The following ANKDD1B variants were observed in gnomAD, a reference collection of about 807,000 sequenced individuals.
ANKDD1B encodes ankyrin repeat and death domain-containing protein 1B.
In ANKDD1B, 57 loss-of-function variants were observed where a neutral mutation model predicts 59.7. The observed-to-expected ratio is 0.95, with a 90% CI of 0.77 to 1.19. The LOEUF (loss-of-function observed/expected upper bound fraction) is 1.19, where lower values mean the gene tolerates loss of function less well. Among genes scored for constraint, ANKDD1B ranks in the 50% most tolerant of loss-of-function variants. The probability of loss-of-function intolerance (pLI) is 0.00; values close to 1 mark genes in which losing one functional copy is unlikely to be tolerated. For synonymous variants in ANKDD1B, 216 were observed against 239.5 expected, an observed-to-expected ratio of 0.90 and a Z score of 0.91; for missense variants, 602 against 641.9, an observed-to-expected ratio of 0.94 and a Z score of 0.67.
At chr5:75,647,730 G>T (rs1183362650) in intron 7 of ANKDD1B, among the ~76,000 whole-genome samples, 3 of 128,934 alleles carry the variant, frequency 2.3e-5, no homozygotes, top group Admixed American at 2.2e-4. Context: ...AATACCATTT[G>T]ACCCAGCCAT....
chr5:75,633,939 G>A (rs146597700), intron 5 of ANKDD1B, among the ~76,000 whole-genome samples: 1 of 152,176 alleles, frequency 6.6e-6, no homozygotes, highest in Non-Finnish European at 1.5e-5. Context: ...TGGGAGCTAG[G>A]ATGCTCTTGG....
chr5:75,611,693 G>A lies in ANKDD1B; in HGVS notation c.59G>A (p.Arg20Gln). 1 of 1,228,780 alleles carries A rather than the reference G, an allele frequency of 8.1e-7. No individual in the cohort carries two copies. Among genetic ancestry groups the A allele is most frequent in the Non-Finnish European group, 1.0e-6 (1 of 988,036 alleles). 76.1% of individuals were successfully genotyped at this position (1,228,780 alleles called of 1,614,324 possible). The part of the protein sequence containing the change: ...QGATAGGLLL[R>Q]AAAAAKGLRE... ...GCCACGGCAGGGGGGCTGCTGCTCCGGGCTGCTGCGGCCGCCAAGGGTCTC... is the reference window on the plus strand; with the variant it reads ...GCCACGGCAGGGGGGCTGCTGCTCCAGGCTGCTGCGGCCGCCAAGGGTCTC... The change falls in exon 1 of 14, where the codon CGG (arginine) becomes CAG (glutamine). Residue 20 changes from arginine to glutamine, a missense_variant. Arg to Gln is a conservative substitution (Grantham distance 43). This residue lies in a region of ANKDD1B where 317 missense variants were observed against 304.6 expected (regional missense o/e 1.04). Transcript: ENST00000601380.
chr5:75,646,750 C>G (rs253405), intron 7 of ANKDD1B, among the ~76,000 whole-genome samples: 55,639 of 84,222 alleles, frequency 0.66, 19,348 homozygotes, highest in Middle Eastern at 0.76. Context: ...GAAAAAACTA[C>G]TTTAAAGTTC....
Position 75,631,825 on chromosome 5 carries a change from G to T in ANKDD1B, c.601-3073G>T, listed in dbSNP as rs17672150. 4.0e-3 allele frequency among the ~76,000 whole-genome samples: 604 copies of T among 152,298 alleles called. 30 individuals carry two copies. In the East Asian group the frequency reaches 0.072, roughly 18 times the overall value. On this transcript the variant is annotated intron_variant, in intron 5 of 13. Coordinates refer to ENST00000601380, the MANE Select transcript of ANKDD1B (RefSeq NM_001276713.2). ...TGAACCTTAAAAGACTCACTGGTGG[G>T]CTAGGCGCGGTGGCTCACACCTGTA...
At chr5:75,639,525 T>A (rs907053758) in intron 7 of ANKDD1B, among the ~76,000 whole-genome samples, 1 of 152,210 alleles carries the variant, frequency 6.6e-6, no homozygotes, top group African/African-American at 2.4e-5. Flanking sequence ...CAGATGGCTG[T>A]CCCAGGCACC....
At chr5:75,636,092 G>A (rs543065796) in intron 7 of ANKDD1B, among the ~76,000 whole-genome samples, 28 of 152,212 alleles carry the variant, frequency 1.8e-4, no homozygotes, top group African/African-American at 5.8e-4. Flanking sequence ...TTCAAATAAC[G>A]TTGTTTAATA....
At position 75,632,753 on chromosome 5, in the gene ANKDD1B, G is replaced by A. The variant is rs1402270831; in HGVS notation, c.601-2145G>A. ...CACAAACACACTCATGCTGAGTTAT[G>A]TACCCCCATATATAAGCAGCACTCG... On this transcript the variant is annotated intron_variant, in intron 5 of 13. Coordinates refer to ENST00000601380, the MANE Select transcript of ANKDD1B (RefSeq NM_001276713.2). 4.6e-5 allele frequency among the ~76,000 whole-genome samples: 7 copies of A among 152,192 alleles called. No homozygotes were observed. The East Asian group carries it at 1.4e-3, about 29-fold the overall frequency.
chr5:75,669,125 A>G, intron 12 of ANKDD1B, 127 bp from the exon 13 acceptor site: 1 of 950,314 alleles, frequency 1.1e-6, no homozygotes, highest in Non-Finnish European at 1.4e-6. Flanking sequence ...GGCAACTGGA[A>G]GGGCTTTTTT....
chr5:75,651,987 A>C (rs972562623), intron 7 of ANKDD1B, among the ~76,000 whole-genome samples: 1 of 152,180 alleles, frequency 6.6e-6, no homozygotes, highest in Non-Finnish European at 1.5e-5. Flanking sequence ...CATGGGTCTC[A>C]TTCATAAGGG....
intron 3 of ANKDD1B, among the ~76,000 whole-genome samples, chr5:75,621,165 G>T (rs1427888639): frequency 6.6e-6 from 1 of 152,150 alleles, no homozygotes; most frequent in Non-Finnish European, 1.5e-5. Flanking sequence ...GCTTGGCTTG[G>T]GGGAGGGGGC....
At chr5:75,625,317 A>G (rs943598916) in intron 3 of ANKDD1B, among the ~76,000 whole-genome samples, 2 of 152,112 alleles carry the variant, frequency 1.3e-5, no homozygotes, top group Non-Finnish European at 2.9e-5. Flanking sequence ...TGACTTTATT[A>G]TCTATCTGTT....
chr5:75,628,480 T>A (rs754562430), intron 5 of ANKDD1B, among the ~76,000 whole-genome samples: 1 of 152,344 alleles, frequency 6.6e-6, no homozygotes, highest in East Asian at 1.9e-4. Flanking sequence ...GGTTTCCCAT[T>A]TGCATCTGCT....
At position 75,656,114 on chromosome 5, in the gene ANKDD1B, A is replaced by G; in HGVS notation, c.983A>G (p.Asp328Gly). ...TTATTAAGTGCACAGCATGATATTG[A>G]CATCTTAAATCAGGTAAGCCAGGCA... ...NSLLSAQHDIDILNQKQQTPL... is the reference protein window; with the variant it reads ...NSLLSAQHDIGILNQKQQTPL... The change falls in exon 9 of 14, where the codon GAC (aspartate) becomes GGC (glycine). Residue 328 changes from aspartate (D) to glycine (G), a missense_variant. Physicochemically the swap from Asp to Gly is moderately conservative, Grantham distance 94. This residue lies in a region of ANKDD1B where 280 missense variants were observed against 319.8 expected (regional missense o/e 0.88). Coordinates refer to ENST00000601380, the MANE Select transcript of ANKDD1B (RefSeq NM_001276713.2). 1 of 1,511,254 alleles carries G rather than the reference A, an allele frequency of 6.6e-7. No homozygotes were observed. The highest frequency in any genetic ancestry group is 1.2e-5 in the South Asian group (1 of 82,322). 93.6% of individuals were successfully genotyped at this position (1,511,254 alleles called of 1,614,324 possible).
At chr5:75,631,818 C>T (rs1774168851) in intron 5 of ANKDD1B, among the ~76,000 whole-genome samples, 1 of 152,106 alleles carries the variant, frequency 6.6e-6, no homozygotes, top group Admixed American at 6.5e-5. Context: ...AAAAGACTCA[C>T]TGGTGGGCTA....
At chr5:75,640,168 T>C (rs774719424) in intron 7 of ANKDD1B, among the ~76,000 whole-genome samples, 1 of 152,090 alleles carries the variant, frequency 6.6e-6, no homozygotes, top group Non-Finnish European at 1.5e-5. Flanking sequence ...CTCAGCCTCC[T>C]GAGTAGCTGG....
chr5:75,635,731 G>A, intron 6 of ANKDD1B, 53 bp from the exon 7 acceptor site: 1 of 1,188,370 alleles, frequency 8.4e-7, no homozygotes. Flanking sequence ...ACTATTGAAG[G>A]AGCATGCTCT....
intron 3 of ANKDD1B, among the ~76,000 whole-genome samples, chr5:75,623,578 C>CT (rs1490089610): frequency 6.6e-6 from 1 of 152,122 alleles, no homozygotes; most frequent in Non-Finnish European, 1.5e-5. Flanking sequence ...AATGGACTAA[C>CT]TCACCGTCTA....
chr5:75,634,295 C>A (rs986647723), intron 5 of ANKDD1B, among the ~76,000 whole-genome samples: 2 of 152,182 alleles, frequency 1.3e-5, no homozygotes, highest in Non-Finnish European at 2.9e-5. Context: ...TTCTCTTCAT[C>A]TGTATTCTCT....
intron 10 of ANKDD1B, among the ~76,000 whole-genome samples, chr5:75,661,414 A>AAAAAAAAAAAAAAAG (rs1471501853): frequency 9.9e-5 from 13 of 131,418 alleles, no homozygotes; most frequent in South Asian, 2.7e-4. Context: ...AAAAAAAAAA[A>AAAAAAAAAAAAAAAG]AAAAAAAAAA....
Sources: allele counts gnomAD v4.1 joint callset (sites outside exome capture counted in the v4.1 genomes callset), GRCh38; gene constraint gnomAD v4.1.1; regional missense constraint gnomAD v4.1.1; transcripts MANE v1.5; gene names NCBI Gene and HGNC (gene_info 2026-07-23, HGNC 2026-07-21).